The following TEAD1 variants were observed in gnomAD, a reference collection of about 807,000 sequenced individuals.
TEAD1 encodes TEA domain transcription factor 1.
In TEAD1, 9 loss-of-function variants were observed where a neutral mutation model predicts 54.9. The observed-to-expected ratio is 0.16, with a 90% CI of 0.10 to 0.29. The LOEUF (loss-of-function observed/expected upper bound fraction) is 0.29, where lower values mean the gene tolerates loss of function less well. Among genes scored for constraint, TEAD1 ranks in the 10% least tolerant of loss-of-function variants. TEAD1 has a pLI of 1.00. For missense variants in TEAD1, 387 were observed against 535.9 expected (o/e 0.72, Z 2.74); for synonymous variants, 200 against 187.8 (o/e 1.07, Z -0.53).
intron 3 of TEAD1, among the ~76,000 whole-genome samples, chr11:12,859,069 T>C (rs891692807): frequency 2.0e-5 from 3 of 152,208 alleles, no homozygotes; most frequent in Non-Finnish European, 4.4e-5. Flanking sequence ...CAGCTCATTG[T>C]TGACCAAAAT....
intron 12 of TEAD1, among the ~76,000 whole-genome samples, chr11:12,931,493 A>G (rs897165975): frequency 2.0e-5 from 3 of 152,234 alleles, no homozygotes; most frequent in Non-Finnish European, 2.9e-5. Flanking sequence ...AAGAATCCAT[A>G]CAGCAGGAAT....
chr11:12,900,600 A>G (rs1948409652), intron 9 of TEAD1, among the ~76,000 whole-genome samples: 1 of 152,112 alleles, frequency 6.6e-6, no homozygotes, highest in Non-Finnish European at 1.5e-5. Flanking sequence ...TGCCTTGGGC[A>G]GTGTTTTGTG....
intron 10 of TEAD1, among the ~76,000 whole-genome samples, chr11:12,919,455 T>A (rs1357836517): frequency 6.6e-6 from 1 of 152,230 alleles, no homozygotes; most frequent in African/African-American, 2.4e-5. Flanking sequence ...TTTGTTGGCC[T>A]GAGTCCTAAA....
chr11:12,711,420 G>T (rs1239020453), intron 2 of TEAD1, among the ~76,000 whole-genome samples: 1 of 152,192 alleles, frequency 6.6e-6, no homozygotes, highest in Non-Finnish European at 1.5e-5. Flanking sequence ...GATGTCCTGA[G>T]GTCAAACCCT....
intron 3 of TEAD1, among the ~76,000 whole-genome samples, chr11:12,764,845 C>T (rs1161909865): frequency 6.7e-6 from 1 of 150,306 alleles, no homozygotes; most frequent in Non-Finnish European, 1.5e-5. Context: ...TCCCGAATCC[C>T]TTGATTGCCC....
At chr11:12,677,206 A>G (rs1468210313) in intron 2 of TEAD1, among the ~76,000 whole-genome samples, 1 of 152,060 alleles carries the variant, frequency 6.6e-6, no homozygotes, top group Non-Finnish European at 1.5e-5. Context: ...ACCATGACAT[A>G]TACTTAATTA....
chr11:12,762,889 A>G (rs550030382), intron 2 of TEAD1, among the ~76,000 whole-genome samples: 7 of 152,242 alleles, frequency 4.6e-5, no homozygotes, highest in Admixed American at 1.3e-4. Flanking sequence ...AGGTGTGGCC[A>G]CCAGCACCTG....
intron 2 of TEAD1, among the ~76,000 whole-genome samples, chr11:12,736,737 A>G (rs919144060): frequency 3.5e-4 from 53 of 152,230 alleles, no homozygotes; most frequent in African/African-American, 1.2e-3. Context: ...AAATACAGGT[A>G]AAGCAGAAAT....
At chr11:12,688,947 T>G (rs1943394746) in intron 2 of TEAD1, among the ~76,000 whole-genome samples, 1 of 152,104 alleles carries the variant, frequency 6.6e-6, no homozygotes, top group Non-Finnish European at 1.5e-5. Flanking sequence ...CTTCCTCCTT[T>G]GGGTTTAGTT....
intron 5 of TEAD1, chr11:12,865,112 T>G (rs1365036922): frequency 1.6e-6 from 1 of 629,262 alleles, no homozygotes; most frequent in African/African-American, 1.8e-5. Flanking sequence ...TGTTTGCGTG[T>G]GTGTGTGCGT....
At chr11:12,826,189 T>C (rs1233945982) in intron 3 of TEAD1, among the ~76,000 whole-genome samples, 1 of 152,176 alleles carries the variant, frequency 6.6e-6, no homozygotes, top group Non-Finnish European at 1.5e-5. Flanking sequence ...ATTCAGTGGG[T>C]GAAAATGGGT....
chr11:12,710,516 T>C (rs1039104931), intron 2 of TEAD1, among the ~76,000 whole-genome samples: 1 of 151,982 alleles, frequency 6.6e-6, no homozygotes, highest in African/African-American at 2.4e-5. Context: ...TAAGTGCAAA[T>C]AGAGGGCGGT....
intron 10 of TEAD1, among the ~76,000 whole-genome samples, chr11:12,911,694 T>TTTA (rs1948621483): frequency 6.6e-6 from 1 of 151,488 alleles, no homozygotes; most frequent in African/African-American, 2.4e-5. Flanking sequence ...TTTTTTTTTT[T>TTTA]AATTATCTCT....
chr11:12,768,436 C>A (rs1260975944), intron 3 of TEAD1, among the ~76,000 whole-genome samples: 1 of 152,230 alleles, frequency 6.6e-6, no homozygotes, highest in Non-Finnish European at 1.5e-5. Context: ...AAGCACTATG[C>A]TAAAGGCTCC....
In TEAD1 at chr11:12,742,390, ACT is replaced by A. The variant is rs547771678; in HGVS notation, c.-54-21787_-54-21786del. Among the ~76,000 whole-genome samples the A allele has an allele frequency of 1.5e-3, 229 of 152,298 alleles. 1 individual carries two copies. Among genetic ancestry groups the A allele is most frequent in the Admixed American group, 2.9e-3 (44 of 15,300 alleles). ...AAGTTCTGGACTCTAAAGAAGTCAA[ACT>A]CATAAAAAGTAGAGTAGAATGGTGG... On this transcript the variant is annotated intron_variant, in intron 2 of 12. Coordinates refer to ENST00000527636, the MANE Select transcript of TEAD1 (RefSeq NM_021961.6).
chr11:12,858,315 G>A lies in TEAD1; in HGVS notation c.203-3935G>A, dbSNP rs189708859. ...TTAGAATTAAACATATAAAATTTTAGTAGAATTAGAGCCATAGTGTTAATG... is the reference window on the plus strand; with the variant it reads ...TTAGAATTAAACATATAAAATTTTAATAGAATTAGAGCCATAGTGTTAATG... On this transcript the variant is annotated intron_variant, in intron 3 of 12. Transcript: ENST00000527636. Among the ~76,000 whole-genome samples the A allele has an allele frequency of 6.8e-4, 103 of 152,242 alleles. 1 individual carries two copies. Among genetic ancestry groups the A allele is most frequent in the African/African-American group, 2.4e-3 (100 of 41,560 alleles).
At chr11:12,681,798 C>A (rs1943228548) in intron 2 of TEAD1, among the ~76,000 whole-genome samples, 1 of 152,260 alleles carries the variant, frequency 6.6e-6, no homozygotes, top group Non-Finnish European at 1.5e-5. Flanking sequence ...ACTCACCTTT[C>A]CAGGCCCTGC....
chr11:12,825,636 TA>T (rs1191956856), intron 3 of TEAD1, among the ~76,000 whole-genome samples: 2 of 152,074 alleles, frequency 1.3e-5, no homozygotes, highest in African/African-American at 4.8e-5. Context: ...TGCATCTTTT[TA>T]AAAAAAATTG....
intron 9 of TEAD1, among the ~76,000 whole-genome samples, chr11:12,900,574 A>G (rs977692805): frequency 2.6e-5 from 4 of 152,172 alleles, no homozygotes; most frequent in Non-Finnish European, 5.9e-5. Flanking sequence ...GCACTTGCGC[A>G]GTATCATAGC....
Sources: allele counts gnomAD v4.1 joint callset (sites outside exome capture counted in the v4.1 genomes callset), GRCh38; gene constraint gnomAD v4.1.1; transcripts MANE v1.5; gene names NCBI Gene and HGNC (gene_info 2026-07-23, HGNC 2026-07-21).